Variants in PRRC2A observed in about 807,000 individuals in gnomAD.
PRRC2A encodes the protein protein PRRC2A.
A neutral mutation model predicts 224.6 loss-of-function variants in PRRC2A; 59 were observed. That is an observed-to-expected ratio of 0.26 (90% CI 0.21 to 0.33). The LOEUF (loss-of-function observed/expected upper bound fraction) is 0.33, where lower values mean the gene tolerates loss of function less well. Among genes scored for constraint, PRRC2A ranks in the 10% least tolerant of loss-of-function variants. PRRC2A has a pLI of 1.00. For synonymous variants in PRRC2A, 1,194 were observed against 1,109.5 expected, an observed-to-expected ratio of 1.08 and a Z score of -1.51; for missense variants, 3,095 against 2,880.7, an observed-to-expected ratio of 1.07 and a Z score of -1.70.
At position 31,631,846 on chromosome 6, in the gene PRRC2A, G is replaced by A. The variant is rs148352770; in HGVS notation, c.3173G>A (p.Arg1058Gln). Residue 1058 changes from arginine to glutamine, a missense_variant, in exon 16 of 31, where the codon CGA (arginine) becomes CAA (glutamine). Physicochemically the swap from Arg to Gln is conservative, Grantham distance 43 (BLOSUM62 1). Coordinates refer to ENST00000376033, the MANE Select transcript of PRRC2A (RefSeq NM_004638.4). This position sits in a 1 kb window ranked among gnomAD's most constrained non-coding sequence, Gnocchi z 4.5. Reference sequence around the variant, plus strand: ...CGAAGCCGGGAATTCCGCAGTTACCGAGAGTTTCGAGGAGATGATGGGCGT... The same window carrying A: ...CGAAGCCGGGAATTCCGCAGTTACCAAGAGTTTCGAGGAGATGATGGGCGT... ...GARSREFRSY[R>Q]EFRGDDGRGG... The A allele has an allele frequency of 1.6e-4, 258 of 1,605,614 alleles. No homozygotes were observed. The African/African-American group carries it at 2.7e-3, about 17-fold the overall frequency.
chr6:31,635,438 G>C lies in PRRC2A; in HGVS notation c.5346G>C (p.Glu1782Asp). The change falls in exon 23 of 31, where the codon GAG becomes GAC. Residue 1782 changes from glutamate (E) to aspartate (D), a missense_variant. Transcript: ENST00000376033. ...TGGTAGGAGACAGCTTGAAAGCAGA[G>C]AAGGAGCTAACAGCATCAGTCACTG... ...RLVVGDSLKAEKELTASVTEA... is the reference protein window; with the variant it reads ...RLVVGDSLKADKELTASVTEA... 1.2e-6 allele frequency: 2 copies of C among 1,614,248 alleles called. No individual in the cohort carries two copies. The highest frequency in any genetic ancestry group is 1.7e-6 in the Non-Finnish European group (2 of 1,180,038).
chr6:31,637,177 T>TA, intron 29 of PRRC2A, 41 bp downstream of exon 29: 1 of 1,607,400 alleles, frequency 6.2e-7, no homozygotes, highest in Non-Finnish European at 8.5e-7. Flanking sequence ...AGTGCTTCCT[T>TA]ACTTTGGAAC....
rs1421060507 is a variant in PRRC2A, at chr6:31,631,143, G to A, written c.2470G>A (p.Glu824Lys). 12 of 1,505,972 alleles carry A rather than the reference G, an allele frequency of 8.0e-6. No homozygotes were observed. Among genetic ancestry groups the A allele is most frequent in the South Asian group, 6.5e-5 (5 of 77,024 alleles). 93.3% of individuals were successfully genotyped at this position (1,505,972 alleles called of 1,614,324 possible). ...ADEDDKGMRSETPPVPPPPPY... is the reference protein window; with the variant it reads ...ADEDDKGMRSKTPPVPPPPPY... The stretch of plus-strand genomic sequence containing the variant: ...TCTTTCTGTCTGTCTCTTCAGGAGC[G>A]AGACTCCTCCAGTACCTCCCCCACC... Residue 824 changes from glutamate (E) to lysine (K), a missense_variant, in exon 16 of 31, where the codon GAG becomes AAG. By Grantham distance (56) the Glu-to-Lys change is moderately conservative (BLOSUM62 1). Around this residue, in one of 8 missense-constraint regions of PRRC2A, gnomAD observed 2,001 missense variants for 1,764.9 expected, o/e 1.13. Transcript: ENST00000376033. The surrounding 1 kb of genome is among the most constrained non-coding windows in gnomAD (Gnocchi z 4.5).
In PRRC2A at chr6:31,632,737, G is replaced by C; in HGVS notation, c.4064G>C (p.Gly1355Ala). 6.2e-7 allele frequency: 1 copy of C among 1,613,130 alleles called. No homozygotes were observed. The highest frequency in any genetic ancestry group is 2.2e-5 in the East Asian group (1 of 44,886). The stretch of plus-strand genomic sequence containing the variant: ...ACACCCAAGGCTGTGGGAACTCCTG[G>C]GGGAGGTGGAGGTGGAGCCGTACCA... ...LLTPKAVGTP[G>A]GGGGGAVPGI... The change falls in exon 16 of 31, where the codon GGG becomes GCG. Residue 1355 changes from glycine to alanine, a missense_variant. By Grantham distance (60) the Gly-to-Ala change is moderately conservative (BLOSUM62 0). This residue lies in a region of PRRC2A where 2,001 missense variants were observed against 1,764.9 expected (regional missense o/e 1.13). Coordinates refer to ENST00000376033, the MANE Select transcript of PRRC2A (RefSeq NM_004638.4).
rs555501478 is a variant in PRRC2A at position 31,633,407 on chromosome 6, C to G, written c.4348C>G (p.Leu1450Val). 19 of 1,612,880 alleles carry G rather than the reference C, an allele frequency of 1.2e-5. No homozygotes were observed. Among genetic ancestry groups the G allele is most frequent in the Non-Finnish European group, 1.6e-5 (19 of 1,179,992 alleles). The stretch of plus-strand genomic sequence containing the variant: ...TCCTCCAGAGGAGCGTCCCCCGGGG[C>G]TTCCCCTGCCTCCCCCACCTCCCAG... ...SRPPEERPPGLPLPPPPPSSS... is the reference protein window; with the variant it reads ...SRPPEERPPGVPLPPPPPSSS... Residue 1450 changes from leucine (L) to valine (V), a missense_variant, in exon 17 of 31, where the codon CTT becomes GTT. Transcript: ENST00000376033.
Position 31,627,158 on chromosome 6 carries a change from G to A in PRRC2A, c.1250G>A (p.Arg417Gln), listed in dbSNP as rs766977961. The A allele has an allele frequency of 2.0e-5, 33 of 1,613,116 alleles. No homozygotes were observed. Among genetic ancestry groups the A allele is most frequent in the South Asian group, 5.5e-5 (5 of 91,070 alleles). ...APKPPLPPPH[R>Q]GPAGNWGPPG... ...AAGCCTCCCCTACCCCCACCTCACC[G>A]GGGCCCCGCCGGGAACTGGGGCCCC... The change falls in exon 11 of 31, where the codon CGG (arginine) becomes CAG (glutamine). Residue 417 changes from arginine to glutamine, a missense_variant. Physicochemically the swap from Arg to Gln is conservative, Grantham distance 43. Coordinates refer to ENST00000376033, the MANE Select transcript of PRRC2A (RefSeq NM_004638.4). This position sits in a 1 kb window ranked among gnomAD's most constrained non-coding sequence, Gnocchi z 5.6.
At chr6:31,626,515 C>T (rs906846835) in intron 9 of PRRC2A, among the ~76,000 whole-genome samples, 3 of 151,504 alleles carry the variant, frequency 2.0e-5, no homozygotes, top group African/African-American at 7.3e-5. Flanking sequence ...TATGATCGTG[C>T]CACTGAACTC....
rs913561829 is a variant in PRRC2A, at chr6:31,625,284, T to C, written c.577T>C (p.Ser193Pro). ...AKERESAEQS[S>P]GPGPSLRPQN... The stretch of plus-strand genomic sequence containing the variant: ...GGAAAGGGAGTCTGCCGAACAGTCG[T>C]CTGGGCCCGGACCAAGCCTCCGCCC... Residue 193 changes from serine (S) to proline (P), a missense_variant, in exon 6 of 31, where the codon TCT becomes CCT. Coordinates refer to ENST00000376033, the MANE Select transcript of PRRC2A (RefSeq NM_004638.4). This position sits in a 1 kb window ranked among gnomAD's most constrained non-coding sequence, Gnocchi z 4.1. 6.2e-7 allele frequency: 1 copy of C among 1,613,508 alleles called. No individual in the cohort carries two copies. Among genetic ancestry groups the C allele is most frequent in the African/African-American group, 1.3e-5 (1 of 75,072 alleles).
chr6:31,629,687 C>A lies in PRRC2A; in HGVS notation c.2096C>A (p.Pro699His). The A allele has an allele frequency of 1.2e-6, 2 of 1,600,966 alleles. No homozygotes were observed. The highest frequency in any genetic ancestry group is 1.7e-6 in the Non-Finnish European group (2 of 1,172,288). ...AVPAPQAPPPPPKALYPGALG... is the reference protein window; with the variant it reads ...AVPAPQAPPPHPKALYPGALG... The stretch of plus-strand genomic sequence containing the variant: ...CCAGCTCCACAGGCTCCACCCCCGC[C>A]CCCCAAGGCCCTGTACCCAGGTGCT... Residue 699 changes from proline to histidine, a missense_variant, in exon 14 of 31, where the codon CCC becomes CAC. By Grantham distance (77) the Pro-to-His change is moderately conservative (BLOSUM62 -2). Around this residue, in one of 8 missense-constraint regions of PRRC2A, gnomAD observed 2,001 missense variants for 1,764.9 expected, o/e 1.13. Transcript: ENST00000376033.
In PRRC2A at chr6:31,636,297, T is replaced by C. The variant is rs116245632; in HGVS notation, c.5713T>C (p.Ser1905Pro). ...LALKGQFLDF[S>P]TMQATELGKL... ...TCTCAAGGGCCAGTTTCTGGATTTC[T>C]CCACAATGCAAGCTACAGAGCTGGG... The change falls in exon 26 of 31, where the codon TCC becomes CCC. Residue 1905 changes from serine (S) to proline (P), a missense_variant. Physicochemically the swap from Ser to Pro is moderately conservative, Grantham distance 74 (BLOSUM62 -1). Transcript: ENST00000376033. This position sits in a 1 kb window ranked among gnomAD's most constrained non-coding sequence, Gnocchi z 4.3. 1,127 of 1,613,034 alleles carry C rather than the reference T, an allele frequency of 7.0e-4. 7 individuals are homozygous for C. In the African/African-American group the frequency reaches 8.9e-3, roughly 13 times the overall value.
In PRRC2A at chr6:31,631,676, A is replaced by G. The variant is rs2150519893; in HGVS notation, c.3003A>G (p.Gly1001=). 4.0e-6 allele frequency: 6 copies of G among 1,513,612 alleles called. No individual in the cohort carries two copies. The highest frequency in any genetic ancestry group is 5.3e-6 in the Non-Finnish European group (6 of 1,132,718). 93.8% of individuals were successfully genotyped at this position (1,513,612 alleles called of 1,614,324 possible). Residue 1001 remains glycine, a synonymous_variant, in exon 16 of 31, where the codon GGA becomes GGG. Transcript: ENST00000376033. This position sits in a 1 kb window ranked among gnomAD's most constrained non-coding sequence, Gnocchi z 4.5. ...GCCCCAAGGAGACCCCACCCAATGGAAATCTTTCCCCTGCCCCAAGGCTTC... is the reference window on the plus strand; with the variant it reads ...GCCCCAAGGAGACCCCACCCAATGGGAATCTTTCCCCTGCCCCAAGGCTTC... ...LGGPKETPPN[G]NLSPAPRLRR...
chr6:31,623,706 G>T (rs747422496), intron 2 of PRRC2A, 26 bp from the exon 3 acceptor site: 3 of 1,611,202 alleles, frequency 1.9e-6, no homozygotes, highest in Non-Finnish European at 2.5e-6. Flanking sequence ...AGGCATTTTC[G>T]ACCCTCTCTC....
rs1583230901 is a variant in PRRC2A, at chr6:31,635,000, G to A, written c.5160+23G>A. 6.8e-6 allele frequency: 11 copies of A among 1,607,394 alleles called. No homozygotes were observed. The East Asian group carries it at 2.5e-4, about 36-fold the overall frequency. On this transcript the variant is annotated intron_variant, in intron 21 of 30. Transcript: ENST00000376033. ...AAGGTAAAAGACCAAAAAAGGATAA[G>A]GGGAATGTTTCCAGGAATCTGACTT...
rs771863617 is a variant in PRRC2A at position 31,627,154 on chromosome 6, C to A, written c.1246C>A (p.His416Asn). ...CCCAAAGCCTCCCCTACCCCCACCT[C>A]ACCGGGGCCCCGCCGGGAACTGGGG... ...PAPKPPLPPPHRGPAGNWGPP... is the reference protein window; with the variant it reads ...PAPKPPLPPPNRGPAGNWGPP... Residue 416 changes from histidine (H) to asparagine (N), a missense_variant, in exon 11 of 31, where the codon CAC becomes AAC. Transcript: ENST00000376033. The surrounding 1 kb of genome is among the most constrained non-coding windows in gnomAD (Gnocchi z 5.6). The A allele has an allele frequency of 6.2e-7, 1 of 1,613,360 alleles. No homozygotes were observed. The highest frequency in any genetic ancestry group is 8.5e-7 in the Non-Finnish European group (1 of 1,179,826).
Position 31,629,827 on chromosome 6 carries a change from C to G in PRRC2A, c.2236C>G (p.Pro746Ala). The change falls in exon 14 of 31, where the codon CCT becomes GCT. Residue 746 changes from proline (P) to alanine (A), a missense_variant. By Grantham distance (27) the Pro-to-Ala change is conservative (BLOSUM62 -1). Around this residue, in one of 8 missense-constraint regions of PRRC2A, gnomAD observed 2,001 missense variants for 1,764.9 expected, o/e 1.13. Coordinates refer to ENST00000376033, the MANE Select transcript of PRRC2A (RefSeq NM_004638.4). ...QGRPPLDFYP[P>A]GVHPSGLVPR... is the part of the protein sequence containing the mutation. ...TCGTCCCCCTCTAGACTTCTACCCT[C>G]CTGGTGTGCATCCCTCTGGTAAGGG... is the stretch of plus-strand genomic sequence containing the variant. The G allele has an allele frequency of 6.2e-7, 1 of 1,614,022 alleles. No individual in the cohort carries two copies. The highest frequency in any genetic ancestry group is 8.5e-7 in the Non-Finnish European group (1 of 1,179,932).
At chr6:31,637,009 A>G in intron 28 of PRRC2A, 33 bp from the exon 29 acceptor site, 1 of 1,596,744 alleles carries the variant, frequency 6.3e-7, no homozygotes, top group Non-Finnish European at 8.5e-7. Context: ...TCTGTATTTC[A>G]AGGTAGGCAG....
Position 31,625,846 on chromosome 6 carries a change from C to G in PRRC2A, c.814C>G (p.Arg272Gly), listed in dbSNP as rs767713146. Residue 272 changes from arginine to glycine, a missense_variant, in exon 8 of 31, where the codon CGA becomes GGA. Physicochemically the swap from Arg to Gly is moderately radical, Grantham distance 125. This residue lies in a region of PRRC2A where 287 missense variants were observed against 275.3 expected (regional missense o/e 1.04). Coordinates refer to ENST00000376033, the MANE Select transcript of PRRC2A (RefSeq NM_004638.4). This position sits in a 1 kb window ranked among gnomAD's most constrained non-coding sequence, Gnocchi z 4.1. ...PPPYGPQGPYRYPTPDGPSRF... is the reference protein window; with the variant it reads ...PPPYGPQGPYGYPTPDGPSRF... ...GCCCTATGGACCCCAGGGGCCTTACCGATACCCCACTCCTGATGGGCCCAG... is the reference window on the plus strand; with the variant it reads ...GCCCTATGGACCCCAGGGGCCTTACGGATACCCCACTCCTGATGGGCCCAG... The G allele has an allele frequency of 3.8e-6, 6 of 1,589,826 alleles. No homozygotes were observed. The highest frequency in any genetic ancestry group is 1.3e-5 in the African/African-American group (1 of 74,312).
In PRRC2A at chr6:31,636,098, G is replaced by C. The variant is rs756207360; in HGVS notation, c.5624+49G>C. On this transcript the variant is annotated intron_variant, in intron 25 of 30. Transcript: ENST00000376033. The surrounding 1 kb of genome is among the most constrained non-coding windows in gnomAD (Gnocchi z 4.3). ...ACAGAAGTACTTGGAGATGTGTTTC[G>C]GGGAGAGGGAAGGGGAAGACACAGT... 4 of 1,576,296 alleles carry C rather than the reference G, an allele frequency of 2.5e-6. No individual in the cohort carries two copies. In the East Asian group the frequency reaches 6.7e-5, roughly 26 times the overall value.
rs747721149 is a variant in PRRC2A, at chr6:31,631,434, C to T, written c.2761C>T (p.Arg921Cys). The change falls in exon 16 of 31, where the codon CGC becomes TGC. Residue 921 changes from arginine (R) to cysteine (C), a missense_variant. Coordinates refer to ENST00000376033, the MANE Select transcript of PRRC2A (RefSeq NM_004638.4). This position sits in a 1 kb window ranked among gnomAD's most constrained non-coding sequence, Gnocchi z 4.5. Reference sequence around the variant, plus strand: ...CCCCCCACCACCACGCAGAGAGAGTCGCACAGAGACCCGCTGGGGCCCTCG... The same window carrying T: ...CCCCCCACCACCACGCAGAGAGAGTTGCACAGAGACCCGCTGGGGCCCTCG... The part of the protein sequence containing the change: ...QGPPPPRRES[R>C]TETRWGPRPG... 8 of 1,609,864 alleles carry T rather than the reference C, an allele frequency of 5.0e-6. No individual in the cohort carries two copies. Among genetic ancestry groups the T allele is most frequent in the African/African-American group, 1.3e-5 (1 of 74,776 alleles).
Sources: allele counts gnomAD v4.1 joint callset (sites outside exome capture counted in the v4.1 genomes callset), GRCh38; gene constraint gnomAD v4.1.1; regional missense constraint gnomAD v4.1.1; non-coding constraint Gnocchi (gnomAD v3.1); transcripts MANE v1.5; gene names NCBI Gene and HGNC (gene_info 2026-07-23, HGNC 2026-07-21).